Variants in CCDC7 observed in about 807,000 individuals in gnomAD.
The protein encoded by CCDC7 is coiled-coil domain-containing protein 7.
CCDC7 carries 183 observed loss-of-function variants against 196.9 expected under a neutral mutation model. That is an observed-to-expected ratio of 0.93 (90% CI 0.82 to 1.05). The LOEUF is 1.05. Among genes scored for constraint, CCDC7 ranks in the 50% least tolerant of loss-of-function variants. CCDC7 has a pLI of 0.00. For synonymous variants in CCDC7, 525 were observed against 484.6 expected, an observed-to-expected ratio of 1.08 and a Z score of -1.10; for missense variants, 1,540 against 1,482.2, an observed-to-expected ratio of 1.04 and a Z score of -0.64.
chr10:32,785,235 T>C (rs755042456), intron 29 of CCDC7, among the ~76,000 whole-genome samples: 4 of 152,186 alleles, frequency 2.6e-5, no homozygotes. Context: ...TGACTACATA[T>C]TAGGCCACAC....
At chr10:32,561,772 C>A (rs926111871) in intron 13 of CCDC7, among the ~76,000 whole-genome samples, 1 of 152,088 alleles carries the variant, frequency 6.6e-6, no homozygotes. Flanking sequence ...CATTCAAAAG[C>A]TAGCAGAAGG....
intron 20 of CCDC7, among the ~76,000 whole-genome samples, chr10:32,659,930 C>A (rs2070891342): frequency 6.6e-6 from 1 of 152,056 alleles, no homozygotes; most frequent in Non-Finnish European, 1.5e-5. Flanking sequence ...TCATCAAAGA[C>A]CTAAAAACAG....
chr10:32,522,855 G>T (rs768900238), intron 11 of CCDC7, among the ~76,000 whole-genome samples: 71 of 151,994 alleles, frequency 4.7e-4, no homozygotes, highest in Admixed American at 1.6e-3. Context: ...TTGGTATATT[G>T]TGTTTTCATT....
At chr10:32,820,920 T>TC (rs1404149378) in intron 31 of CCDC7, among the ~76,000 whole-genome samples, 3 of 152,110 alleles carry the variant, frequency 2.0e-5, no homozygotes, top group Admixed American at 6.5e-5. Context: ...GGACTTCATG[T>TC]CTAAAACACC....
Position 32,489,780 on chromosome 10 carries a change from G to A in CCDC7, c.797-2142G>A, listed in dbSNP as rs567614580. Among the ~76,000 whole-genome samples the A allele has an allele frequency of 2.0e-5, 3 of 152,242 alleles. No individual in the cohort carries two copies. In the East Asian group the frequency reaches 5.8e-4, roughly 29 times the overall value. On this transcript the variant is annotated intron_variant, in intron 8 of 41. Transcript: ENST00000639629. ...GTGGGGCTAGCCCTCAGTGAAGGGG[G>A]CTGTGGTGTCTGAGGCATGGAAGTG...
intron 1 of CCDC7, among the ~76,000 whole-genome samples, chr10:32,453,002 T>G (rs2033474887): frequency 6.6e-6 from 1 of 152,180 alleles, no homozygotes; most frequent in Non-Finnish European, 1.5e-5. Context: ...CCCCTAACTC[T>G]CTTCAGAGGA....
intron 29 of CCDC7, among the ~76,000 whole-genome samples, chr10:32,803,776 G>T (rs1425496442): frequency 6.6e-6 from 1 of 151,998 alleles, no homozygotes; most frequent in African/African-American, 2.4e-5. Context: ...TTGTCATTTT[G>T]TTGTCTTCTA....
downstream of CCDC7, among the ~76,000 whole-genome samples, chr10:32,879,340 G>A (rs1565798036): frequency 6.6e-6 from 1 of 152,024 alleles, no homozygotes; most frequent in Non-Finnish European, 1.5e-5. Flanking sequence ...AACATGTTTC[G>A]CAGCTTAGCA....
At chr10:32,844,409 T>C (rs928705593) in intron 33 of CCDC7, among the ~76,000 whole-genome samples, 6 of 151,976 alleles carry the variant, frequency 3.9e-5, no homozygotes, top group African/African-American at 1.4e-4. Context: ...TGATACATAC[T>C]TGATTTATAG....
intron 28 of CCDC7, among the ~76,000 whole-genome samples, chr10:32,744,943 G>T (rs1277926276): frequency 6.6e-6 from 1 of 152,140 alleles, no homozygotes; most frequent in Non-Finnish European, 1.5e-5. Context: ...AAGTTGTATA[G>T]TTTTCCATTT....
At chr10:32,534,784 G>C (rs2050210271) in intron 11 of CCDC7, among the ~76,000 whole-genome samples, 1 of 152,110 alleles carries the variant, frequency 6.6e-6, no homozygotes, top group African/African-American at 2.4e-5. Flanking sequence ...ACTCTGACTT[G>C]ACATCTCCTT....
chr10:32,506,151 G>A (rs12779002), intron 9 of CCDC7, among the ~76,000 whole-genome samples: 49,390 of 144,578 alleles, frequency 0.34, 10,635 homozygotes, highest in Non-Finnish European at 0.49. Flanking sequence ...CGGGGCAGCC[G>A]GGCAGAGGCG....
At chr10:32,478,355 G>C (rs1261963454) in intron 8 of CCDC7, among the ~76,000 whole-genome samples, 1 of 152,050 alleles carries the variant, frequency 6.6e-6, no homozygotes, top group Non-Finnish European at 1.5e-5. Context: ...TAAATAGCAT[G>C]GTAAAAATGG....
intron 20 of CCDC7, among the ~76,000 whole-genome samples, chr10:32,662,075 T>A (rs530881743): frequency 3.3e-5 from 5 of 152,278 alleles, no homozygotes; most frequent in Admixed American, 2.6e-4. Context: ...TTGGCCTCTC[T>A]CCATAGGTGG....
intron 29 of CCDC7, among the ~76,000 whole-genome samples, chr10:32,779,376 G>C (rs895202854): frequency 2.0e-5 from 3 of 152,134 alleles, no homozygotes; most frequent in African/African-American, 7.2e-5. Flanking sequence ...AGATAAACTA[G>C]ATGATATGTG....
chr10:32,809,448 C>T (rs1019141152), intron 30 of CCDC7, among the ~76,000 whole-genome samples: 4 of 151,988 alleles, frequency 2.6e-5, no homozygotes, highest in Non-Finnish European at 5.9e-5. Flanking sequence ...AAAATACATT[C>T]AGTGGGAGAA....
chr10:32,876,378 A>G, exon 42 of CCDC7: 1 of 1,611,088 alleles, frequency 6.2e-7, no homozygotes, highest in Non-Finnish European at 8.5e-7. Context: ...AATCTGTACC[A>G]CACCCATACT....
intron 5 of CCDC7, among the ~76,000 whole-genome samples, chr10:32,464,498 G>GTTTT (rs1385530723): frequency 1.3e-5 from 2 of 151,596 alleles, no homozygotes; most frequent in Non-Finnish European, 3.0e-5. Context: ...AAGACTTTGT[G>GTTTT]TTTGTTTGTT....
At chr10:32,728,895 G>A (rs777272358) in exon 27 of CCDC7, 5 of 1,589,078 alleles carry the variant, frequency 3.1e-6, no homozygotes, top group Non-Finnish European at 4.3e-6. Context: ...AGCTCGTATT[G>A]TAGTACCAAA....
Sources: allele counts gnomAD v4.1 joint callset (sites outside exome capture counted in the v4.1 genomes callset), GRCh38; gene constraint gnomAD v4.1.1; transcripts MANE v1.5; gene names NCBI Gene and HGNC (gene_info 2026-07-23, HGNC 2026-07-21).